SEMA3D: variants seen among roughly 807,000 people sequenced by gnomAD.
SEMA3D encodes semaphorin-3D.
Under a neutral mutation model 100.1 loss-of-function variants are expected in SEMA3D, and 84 were observed. The ratio of observed to expected loss-of-function variants is 0.84; its 90% confidence interval spans 0.70 to 1.01. SEMA3D has a LOEUF of 1.01. Among genes scored for constraint, SEMA3D ranks in the 50% least tolerant of loss-of-function variants. The pLI is 0.00. For synonymous variants in SEMA3D, 312 were observed against 320.7 expected, an observed-to-expected ratio of 0.97 and a Z score of 0.29; for missense variants, 875 against 934.1, an observed-to-expected ratio of 0.94 and a Z score of 0.82.
chr7:85,062,829 T>C (rs1424867874), intron 8 of SEMA3D, among the ~76,000 whole-genome samples: 2 of 152,140 alleles, frequency 1.3e-5, no homozygotes, highest in Non-Finnish European at 2.9e-5. Context: ...GGAAATACAA[T>C]TTTAGGAAAC....
intron 8 of SEMA3D, among the ~76,000 whole-genome samples, chr7:85,063,687 G>T (rs142981757): frequency 6.6e-6 from 1 of 151,678 alleles, no homozygotes; most frequent in African/African-American, 2.4e-5. Flanking sequence ...CTCTGTCCTC[G>T]TCCTTCTTTA....
At chr7:85,141,380 T>C in intron 2 of SEMA3D, 1 of 984,420 alleles carries the variant, frequency 1.0e-6, no homozygotes, top group Non-Finnish European at 1.2e-6. Flanking sequence ...TCTCAGTTTT[T>C]ATTGGAATCC....
chr7:85,014,921 T>C (rs1790054476), intron 16 of SEMA3D, 138 bp downstream of exon 16: 1 of 564,968 alleles, frequency 1.8e-6, no homozygotes. Context: ...TAAAACAACA[T>C]TTTGATTTTA....
chr7:85,002,070 C>T (rs2286185), intron 18 of SEMA3D, among the ~76,000 whole-genome samples: 55,385 of 151,844 alleles, frequency 0.36, 10,802 homozygotes, highest in African/African-American at 0.52. Flanking sequence ...TTCATCATTA[C>T]TTTTGCTATT....
At chr7:85,159,870 A>C (rs1790697396) in intron 1 of SEMA3D, 1 of 984,942 alleles carries the variant, frequency 1.0e-6, no homozygotes, top group Non-Finnish European at 1.2e-6. Context: ...CCATTATATG[A>C]CTGGAGGAAG....
intron 3 of SEMA3D, among the ~76,000 whole-genome samples, chr7:85,117,446 G>A (rs961265270): frequency 3.3e-5 from 5 of 152,088 alleles, no homozygotes; most frequent in Admixed American, 6.6e-5. Flanking sequence ...TTTTAGAAAT[G>A]GGCACTGCCA....
intron 2 of SEMA3D, among the ~76,000 whole-genome samples, chr7:85,126,879 G>A (rs1293935077): frequency 6.6e-6 from 1 of 152,106 alleles, no homozygotes; most frequent in South Asian, 2.1e-4. Flanking sequence ...ATGTGAAAAG[G>A]TCCACAGGAA....
chr7:85,244,078 A>C, the SEMA3D span, among the ~76,000 whole-genome samples: 1 of 152,200 alleles, frequency 6.6e-6, no homozygotes, highest in Non-Finnish European at 1.5e-5. Flanking sequence ...CTTATAAAGA[A>C]AAGAGGCATA....
At position 85,141,712 on chromosome 7, in the gene SEMA3D, A is replaced by G. The variant is rs1790056272; in HGVS notation, c.-41+11896T>C. ...AGTTTACCTAAATTAATGTTTATTT[A>G]GTATCTAATAATGTTTTCTATTGAG... On this transcript the variant is annotated intron_variant, in intron 2 of 18. Transcript: ENST00000284136. 3 of 916,154 alleles carry G rather than the reference A, an allele frequency of 3.3e-6. No homozygotes were observed. In the South Asian group the frequency reaches 1.5e-4, roughly 46 times the overall value. 56.8% of individuals were successfully genotyped at this position (916,154 alleles called of 1,614,324 possible). A position where few individuals can be genotyped will look rare whatever the true frequency, so the allele number is the denominator to read the frequency against.
At chr7:85,236,592 C>A in the SEMA3D span, among the ~76,000 whole-genome samples, 1 of 151,496 alleles carries the variant, frequency 6.6e-6, no homozygotes, top group Non-Finnish European at 1.5e-5. Flanking sequence ...AGGCATGAGC[C>A]ACCGCACCCA....
At position 85,065,096 on chromosome 7, in the gene SEMA3D, C is replaced by G. The variant is rs1029471270; in HGVS notation, c.718+328G>C. On this transcript the variant is annotated intron_variant, in intron 8 of 18. Transcript: ENST00000284136. ...ATAAGACCTTGACCAAATTATTTCTCTGTACTTCAGTATTTTTATAGCATA... is the reference window on the plus strand; with the variant it reads ...ATAAGACCTTGACCAAATTATTTCTGTGTACTTCAGTATTTTTATAGCATA... Among the ~76,000 whole-genome samples the G allele has an allele frequency of 4.6e-5, 7 of 152,166 alleles. No individual in the cohort carries two copies. In the East Asian group the frequency reaches 1.4e-3, roughly 29 times the overall value.
At chr7:85,197,995 T>A in the SEMA3D span, among the ~76,000 whole-genome samples, 2 of 152,174 alleles carry the variant, frequency 1.3e-5, no homozygotes, top group Non-Finnish European at 2.9e-5. Context: ...TAGTAGTCCT[T>A]AAAAGCAGAC....
At chr7:85,042,436 G>T in intron 9 of SEMA3D, 151 bp from the exon 10 acceptor site, 1 of 614,592 alleles carries the variant, frequency 1.6e-6, no homozygotes, top group South Asian at 2.1e-5. Flanking sequence ...TTAAAATAAG[G>T]AAAAAGACAG....
the SEMA3D span, among the ~76,000 whole-genome samples, chr7:85,193,001 T>C: frequency 3.9e-5 from 6 of 152,148 alleles, no homozygotes; most frequent in African/African-American, 4.8e-5. Flanking sequence ...GATGATAACA[T>C]AGCCGTTAAC....
the SEMA3D span, among the ~76,000 whole-genome samples, chr7:85,249,361 T>C: frequency 6.6e-6 from 1 of 152,078 alleles, no homozygotes; most frequent in African/African-American, 2.4e-5. Flanking sequence ...ACCTGACAAT[T>C]AAAGGTAATA....
intron 3 of SEMA3D, among the ~76,000 whole-genome samples, chr7:85,101,885 C>T (rs1307400525): frequency 1.3e-5 from 2 of 151,922 alleles, no homozygotes; most frequent in Non-Finnish European, 2.9e-5. Context: ...TGTATCTTAT[C>T]TTCCATTAAA....
intron 2 of SEMA3D, among the ~76,000 whole-genome samples, chr7:85,125,640 C>A (rs1789545828): frequency 6.6e-6 from 1 of 152,072 alleles, no homozygotes; most frequent in South Asian, 2.1e-4. Context: ...ACAGTCAAGA[C>A]CTACAATCTA....
At chr7:85,102,750 G>A (rs1453185227) in intron 3 of SEMA3D, among the ~76,000 whole-genome samples, 1 of 152,000 alleles carries the variant, frequency 6.6e-6, no homozygotes, top group Non-Finnish European at 1.5e-5. Flanking sequence ...GCAATGAGAG[G>A]AGGAAAATGT....
intron 2 of SEMA3D, among the ~76,000 whole-genome samples, chr7:85,148,185 A>C (rs1029138768): frequency 3.3e-5 from 5 of 152,200 alleles, no homozygotes; most frequent in Admixed American, 6.5e-5. Flanking sequence ...AGTGTCAGAA[A>C]CAGCTACTAA....
Sources: allele counts gnomAD v4.1 joint callset (sites outside exome capture counted in the v4.1 genomes callset), GRCh38; gene constraint gnomAD v4.1.1; transcripts MANE v1.5; gene names NCBI Gene and HGNC (gene_info 2026-07-23, HGNC 2026-07-21).